Variants in ZSWIM6 observed in about 807,000 individuals in gnomAD.
ZSWIM6 encodes zinc finger SWIM domain-containing protein 6.
Under a neutral mutation model 113.2 loss-of-function variants are expected in ZSWIM6, and 9 were observed. That is an observed-to-expected ratio of 0.08 (90% CI 0.05 to 0.14). The LOEUF is 0.14. Ranked by LOEUF, ZSWIM6 falls within the 10% of genes least tolerant of loss-of-function variation. The pLI, the probability that ZSWIM6 is intolerant of heterozygous loss-of-function variation, is 1.00. For missense variants in ZSWIM6, 1,162 were observed against 1,552.2 expected (o/e 0.75, Z 4.22); for synonymous variants, 611 against 606.5 (o/e 1.01, Z -0.11).
rs149146685 is a variant in ZSWIM6 at position 61,521,183 on chromosome 5, A to G, written c.1334-80A>G. ...TAAATTACATTTTTAAATTTTAATA[A>G]ATTTAAACAATTTAACTTGATAAAA... On this transcript the variant is annotated intron_variant, in intron 4 of 13. Transcript: ENST00000252744. 0.011 allele frequency: 10,130 copies of G among 889,924 alleles called. 87 individuals are homozygous for G. Among genetic ancestry groups the G allele is most frequent in the Non-Finnish European group, 0.013 (8,928 of 673,318 alleles). 55.1% of individuals were successfully genotyped at this position (889,924 alleles called of 1,614,324 possible). A position where few individuals can be genotyped will look rare whatever the true frequency, so the allele number is the denominator to read the frequency against.
intron 1 of ZSWIM6, among the ~76,000 whole-genome samples, chr5:61,373,438 C>T (rs971192845): frequency 2.2e-5 from 3 of 136,288 alleles, no homozygotes; most frequent in South Asian, 2.2e-4. Context: ...AGTGCAGTGG[C>T]GCGATCTCGG....
At chr5:61,468,596 C>G (rs1347062769) in intron 1 of ZSWIM6, among the ~76,000 whole-genome samples, 1 of 152,124 alleles carries the variant, frequency 6.6e-6, no homozygotes, top group Non-Finnish European at 1.5e-5. Context: ...CATAGTTTGT[C>G]AAAACTCCGG....
intron 1 of ZSWIM6, among the ~76,000 whole-genome samples, chr5:61,466,336 CT>C (rs901930240): frequency 3.9e-5 from 6 of 152,184 alleles, no homozygotes; most frequent in African/African-American, 1.4e-4. Flanking sequence ...AGCATTAACA[CT>C]TTTGCATTTT....
intron 1 of ZSWIM6, among the ~76,000 whole-genome samples, chr5:61,399,232 T>G (rs1461108371): frequency 2.9e-5 from 2 of 69,642 alleles, no homozygotes; most frequent in Non-Finnish European, 5.3e-5. Context: ...GCTGTGTATG[T>G]TTTTTTTTTT....
In ZSWIM6 at chr5:61,483,213, C is replaced by T. The variant is rs561642756; in HGVS notation, c.1034-7573C>T. Among the ~76,000 whole-genome samples the T allele has an allele frequency of 6.3e-4, 96 of 152,242 alleles. No homozygotes were observed. In the South Asian group the frequency reaches 0.013, roughly 20 times the overall value. ...GGTAAGGGAGCTGAGCATGCTAACA[C>T]GCTAGCTTAGGTATCTCTTCCTCTT... On this transcript the variant is annotated intron_variant, in intron 2 of 13. Transcript: ENST00000252744.
chr5:61,420,916 ATT>A (rs34581606), intron 1 of ZSWIM6, among the ~76,000 whole-genome samples: 3 of 145,948 alleles, frequency 2.1e-5, no homozygotes, highest in African/African-American at 5.0e-5. Flanking sequence ...TATTCGTTCT[ATT>A]TTTTTTTTTT....
intron 1 of ZSWIM6, among the ~76,000 whole-genome samples, chr5:61,458,990 AT>A (rs535104636): frequency 1.2e-4 from 18 of 152,206 alleles, no homozygotes; most frequent in African/African-American, 4.3e-4. Flanking sequence ...TTCTAATTCC[AT>A]TTATACTACC....
At chr5:61,413,343 G>T (rs867471145) in intron 1 of ZSWIM6, among the ~76,000 whole-genome samples, 8 of 151,756 alleles carry the variant, frequency 5.3e-5, no homozygotes, top group South Asian at 2.1e-4. Context: ...CCCTATAAAG[G>T]ACATGAACTC....
At position 61,521,422 on chromosome 5, in the gene ZSWIM6, AG is replaced by A; in HGVS notation, c.1496del (p.Gly499ValfsTer88). On this transcript the variant is annotated frameshift_variant, in exon 5 of 14. Transcript: ENST00000252744. LOFTEE classifies it high-confidence loss of function. ...CCCAACTTAACCAATGCTCTGCCTC[AG>A]GGTGCAAATGCCAACCAAGGTGAGT... ...ELPNLTNALPQGANANQDSSN... is the reference protein window; with the variant it reads ...ELPNLTNALPXGANANQDSSN... 6.7e-7 allele frequency: 1 copy of A among 1,496,844 alleles called. No homozygotes were observed. The allele number at this position is 1,496,844 out of a possible 1,614,324, so 92.7% of individuals were successfully genotyped here. A position where few individuals can be genotyped will look rare whatever the true frequency, so the allele number is the denominator to read the frequency against.
intron 1 of ZSWIM6, among the ~76,000 whole-genome samples, chr5:61,456,358 C>CT (rs1301875259): frequency 6.6e-6 from 1 of 152,066 alleles, no homozygotes; most frequent in South Asian, 2.1e-4. Flanking sequence ...AGATTTTTTA[C>CT]TTTCTTGGTT....
At chr5:61,527,282 T>C (rs1242927959) in intron 7 of ZSWIM6, among the ~76,000 whole-genome samples, 1 of 152,214 alleles carries the variant, frequency 6.6e-6, no homozygotes, top group African/African-American at 2.4e-5. Context: ...CAGGTTCGTT[T>C]TCACTCTGTG....
intron 1 of ZSWIM6, among the ~76,000 whole-genome samples, chr5:61,364,146 G>A (rs941658889): frequency 1.3e-5 from 2 of 151,874 alleles, no homozygotes; most frequent in Non-Finnish European, 2.9e-5. Context: ...CTGGGCTCAA[G>A]CAATCCTCCC....
At chr5:61,452,716 C>G (rs1052013973) in intron 1 of ZSWIM6, among the ~76,000 whole-genome samples, 2 of 152,166 alleles carry the variant, frequency 1.3e-5, no homozygotes, top group African/African-American at 4.8e-5. Flanking sequence ...TTCATCAAAA[C>G]TAAGAAATAA....
At chr5:61,378,822 C>T (rs1745422535) in intron 1 of ZSWIM6, among the ~76,000 whole-genome samples, 1 of 151,994 alleles carries the variant, frequency 6.6e-6, no homozygotes, top group South Asian at 2.1e-4. Flanking sequence ...TCCCAAACTG[C>T]TGGGATTACA....
chr5:61,355,473 C>G, intron 1 of ZSWIM6, among the ~76,000 whole-genome samples: 1 of 149,004 alleles, frequency 6.7e-6, no homozygotes, highest in South Asian at 2.2e-4. Flanking sequence ...CACACACACA[C>G]ACACACACAC....
Position 61,538,963 on chromosome 5 carries a change from C to T in ZSWIM6, c.2531C>T (p.Ala844Val). ...GAGCTGGCATCCACCATGCTAACTG[C>T]AGCCAAAGGTACTGTACTGTCCTGA... is the stretch of plus-strand genomic sequence containing the variant. ...QCELASTMLT[A>V]AKGDVRRLET... Residue 844 changes from alanine to valine, a missense_variant, in exon 11 of 14, where the codon GCA becomes GTA. Transcript: ENST00000252744. 6.4e-7 allele frequency: 1 copy of T among 1,551,348 alleles called. No individual in the cohort carries two copies. The highest frequency in any genetic ancestry group is 8.7e-7 in the Non-Finnish European group (1 of 1,146,768).
chr5:61,342,467 A>G (rs2112028542), intron 1 of ZSWIM6, among the ~76,000 whole-genome samples: 1 of 152,338 alleles, frequency 6.6e-6, no homozygotes, highest in Non-Finnish European at 1.5e-5. Flanking sequence ...AGGAAACCGA[A>G]ACACAGGGAA....
At chr5:61,414,869 G>GT (rs1746214344) in intron 1 of ZSWIM6, among the ~76,000 whole-genome samples, 2 of 152,140 alleles carry the variant, frequency 1.3e-5, no homozygotes, top group African/African-American at 4.8e-5. Flanking sequence ...TTTTAGATGA[G>GT]TTACGATAAA....
chr5:61,341,470 A>G (rs576303556), intron 1 of ZSWIM6, among the ~76,000 whole-genome samples: 2 of 152,366 alleles, frequency 1.3e-5, no homozygotes, highest in Non-Finnish European at 2.9e-5. Context: ...AATATGCCAT[A>G]GGAAATTACT....
Sources: allele counts gnomAD v4.1 joint callset (sites outside exome capture counted in the v4.1 genomes callset), GRCh38; gene constraint gnomAD v4.1.1; transcripts MANE v1.5; gene names NCBI Gene and HGNC (gene_info 2026-07-23, HGNC 2026-07-21).